FARP1: variants seen among roughly 807,000 people sequenced by gnomAD.
FARP1 encodes FERM, ARH/RhoGEF and pleckstrin domain protein 1, also known as FERM, ARHGEF and pleckstrin domain-containing protein 1.
In FARP1, 52 loss-of-function variants were observed where a neutral mutation model predicts 128.8. The ratio of observed to expected loss-of-function variants is 0.40; its 90% CI spans 0.32 to 0.51. The LOEUF is 0.51. Among genes scored for constraint, FARP1 ranks in the 20% least tolerant of loss-of-function variants. The pLI is 0.45. For synonymous variants in FARP1, 580 were observed against 551.8 expected (o/e 1.05, Z -0.72); for missense variants, 1,333 against 1,367.9 (o/e 0.97, Z 0.40).
intron 1 of FARP1, among the ~76,000 whole-genome samples, chr13:98,178,571 G>T (rs756958863): frequency 7.9e-5 from 12 of 152,064 alleles, no homozygotes; most frequent in Non-Finnish European, 1.2e-4. Flanking sequence ...TAATGTAAAT[G>T]GATTCTAGTT....
intron 2 of FARP1, among the ~76,000 whole-genome samples, chr13:98,336,322 G>T (rs1392057723): frequency 6.6e-6 from 1 of 152,090 alleles, no homozygotes; most frequent in Admixed American, 6.5e-5. Context: ...CGTGATCTTG[G>T]CTCTCTGCAA....
chr13:98,388,652 G>A (rs1890190335), intron 9 of FARP1, among the ~76,000 whole-genome samples, 174 bp downstream of exon 9: 1 of 152,190 alleles, frequency 6.6e-6, no homozygotes, highest in African/African-American at 2.4e-5. Flanking sequence ...CAAATGGTCG[G>A]TAACTCTACG....
chr13:98,208,495 A>C (rs285109), intron 1 of FARP1: 67,970 of 147,092 alleles, frequency 0.46, 17,620 homozygotes, highest in Non-Finnish European at 0.58. Flanking sequence ...AAAAAAAAGC[A>C]GTTCTCAGAT....
intron 2 of FARP1, chr13:98,244,870 G>A (rs1882976084): frequency 1.4e-6 from 2 of 1,436,936 alleles, no homozygotes; most frequent in African/African-American, 1.4e-5. Flanking sequence ...ACGTGAAGCT[G>A]CATACAGAGG....
rs184698669 is a variant in FARP1, at chr13:98,322,598, C to T, written c.172-21164C>T. ...GCCGAGTACAGTTCTGACTGCCATG[C>T]GACCAAGACCCGGAGCTTACATGCT... On this transcript the variant is annotated intron_variant, in intron 2 of 26. Coordinates refer to ENST00000319562, the MANE Select transcript of FARP1 (RefSeq NM_005766.4). Among the ~76,000 whole-genome samples, 633 of 152,266 alleles carry T rather than the reference C, an allele frequency of 4.2e-3. 7 individuals are homozygous for T. The highest frequency in any genetic ancestry group is 0.014 in the African/African-American group (596 of 41,538).
intron 5 of FARP1, among the ~76,000 whole-genome samples, chr13:98,374,679 G>A (rs1889503473): frequency 6.6e-6 from 1 of 152,132 alleles, no homozygotes; most frequent in African/African-American, 2.4e-5. Context: ...GGAAGTCATA[G>A]TCTGTTCTAT....
Position 98,244,880 on chromosome 13 carries a change from G to A in FARP1, c.171+31467G>A, listed in dbSNP as rs544879874. 1.3e-5 allele frequency: 19 copies of A among 1,431,756 alleles called. No homozygotes were observed. The East Asian group carries it at 1.5e-4, about 11-fold the overall frequency. The allele number at this position is 1,431,756 out of a possible 1,614,324, so 88.7% of individuals were successfully genotyped here. ...CAGATACGTGAAGCTGCATACAGAG[G>A]GGCCCATCCACTCCTAAACGGGTCT... On this transcript the variant is annotated intron_variant, in intron 2 of 26. Coordinates refer to ENST00000319562, the MANE Select transcript of FARP1 (RefSeq NM_005766.4).
intron 5 of FARP1, among the ~76,000 whole-genome samples, chr13:98,374,461 T>C (rs1262278782): frequency 3.3e-5 from 5 of 152,042 alleles, no homozygotes; most frequent in African/African-American, 1.2e-4. Flanking sequence ...AAAAAACAGA[T>C]CCACTCTAGG....
At chr13:98,321,823 A>T (rs1046605422) in intron 2 of FARP1, among the ~76,000 whole-genome samples, 13 of 152,196 alleles carry the variant, frequency 8.5e-5, no homozygotes, top group African/African-American at 3.1e-4. Context: ...CATCTGAGAG[A>T]ATTTGATGTC....
chr13:98,443,397 T>C (rs7993535), intron 24 of FARP1, among the ~76,000 whole-genome samples: 110,308 of 152,144 alleles, frequency 0.73, 40,734 homozygotes, highest in Non-Finnish European at 0.8. Context: ...GCATCAATCT[T>C]GTGTCGGTGG....
At chr13:98,292,462 TGTA>T (rs1366392635) in intron 2 of FARP1, among the ~76,000 whole-genome samples, 1 of 152,196 alleles carries the variant, frequency 6.6e-6, no homozygotes. Context: ...TAATAATAAA[TGTA>T]GTATCTCATG....
At position 98,256,950 on chromosome 13, in the gene FARP1, TATA is replaced by T. The variant is rs1566801014; in HGVS notation, c.171+43538_171+43540del. ...ATAATTTTCAAAGTATATATGTGGA[TATA>T]TATATATATATATATATATATATAT... On this transcript the variant is annotated intron_variant, in intron 2 of 26. Transcript: ENST00000319562. Among the ~76,000 whole-genome samples the T allele has an allele frequency of 2.3e-3, 35 of 15,118 alleles. 1 individual carries two copies. Among genetic ancestry groups the T allele is most frequent in the South Asian group, 2.8e-3 (1 of 358 alleles). The allele number at this position is 15,118 out of a possible 152,430, so 9.9% of individuals were successfully genotyped here. A position where few individuals can be genotyped will look rare whatever the true frequency, so the allele number is the denominator to read the frequency against.
chr13:98,182,524 G>A (rs1341463113), intron 1 of FARP1, among the ~76,000 whole-genome samples: 1 of 151,914 alleles, frequency 6.6e-6, no homozygotes, highest in Non-Finnish European at 1.5e-5. Flanking sequence ...ACTGAGTCTC[G>A]CCATATTGCC....
At chr13:98,300,306 G>A (rs1320455792) in intron 2 of FARP1, among the ~76,000 whole-genome samples, 2 of 152,202 alleles carry the variant, frequency 1.3e-5, no homozygotes, top group Non-Finnish European at 2.9e-5. Flanking sequence ...ACTGGGAACT[G>A]TTCCTTGGGG....
rs554413685 is a variant in FARP1, at chr13:98,210,535, T to C, written c.-23-2685T>C. On this transcript the variant is annotated intron_variant, in intron 1 of 26. Coordinates refer to ENST00000319562, the MANE Select transcript of FARP1 (RefSeq NM_005766.4). ...AAACTTTCTCATCAGTGTTGGACTTTCTTTTTCGTTTTTCTATCTTTTCTT... is the reference window on the plus strand; with the variant it reads ...AAACTTTCTCATCAGTGTTGGACTTCCTTTTTCGTTTTTCTATCTTTTCTT... Among the ~76,000 whole-genome samples, 27 of 142,822 alleles carry C rather than the reference T, an allele frequency of 1.9e-4. No individual in the cohort carries two copies. In the South Asian group the frequency reaches 6.0e-3, roughly 31 times the overall value. The allele number at this position is 142,822 out of a possible 152,430, so 93.7% of individuals were successfully genotyped here. A position where few individuals can be genotyped will look rare whatever the true frequency, so the allele number is the denominator to read the frequency against.
chr13:98,378,920 A>G (rs1364390050), intron 6 of FARP1, among the ~76,000 whole-genome samples: 12 of 112,958 alleles, frequency 1.1e-4, no homozygotes. Flanking sequence ...ATATATATAT[A>G]ATATATACAA....
intron 17 of FARP1, among the ~76,000 whole-genome samples, chr13:98,426,620 A>C (rs1445719134): frequency 6.6e-6 from 1 of 152,220 alleles, no homozygotes; most frequent in East Asian, 1.9e-4. Context: ...CTCTTAACAA[A>C]GACCACGGTA....
intron 5 of FARP1, among the ~76,000 whole-genome samples, chr13:98,377,374 CA>C (rs34395673): frequency 0.072 from 9,638 of 134,464 alleles, 411 homozygotes; most frequent in Middle Eastern, 0.15. Flanking sequence ...AGTTACACCA[CA>C]AAAAAAAAAA....
At chr13:98,395,718 C>T (rs1890509731) in intron 13 of FARP1, 1 of 435,172 alleles carries the variant, frequency 2.3e-6, no homozygotes, top group Non-Finnish European at 4.0e-6. Context: ...CTGCGAAGTC[C>T]TCCCGGCCTC....
Sources: allele counts gnomAD v4.1 joint callset (sites outside exome capture counted in the v4.1 genomes callset), GRCh38; gene constraint gnomAD v4.1.1; transcripts MANE v1.5; gene names NCBI Gene and HGNC (gene_info 2026-07-23, HGNC 2026-07-21).